SAP30BP: variants seen among roughly 807,000 people sequenced by gnomAD.
The protein encoded by SAP30BP is SAP30-binding protein.
In SAP30BP, 31 loss-of-function variants were observed where a neutral mutation model predicts 46.3. The ratio of observed to expected loss-of-function variants is 0.67; its 90% CI spans 0.50 to 0.90. The LOEUF (loss-of-function observed/expected upper bound fraction) is 0.90, where lower values mean the gene tolerates loss of function less well. Ranked by LOEUF, SAP30BP falls within the 40% of genes least tolerant of loss-of-function variation. The pLI is 0.00. For missense variants in SAP30BP, 312 were observed against 391.0 expected (o/e 0.80, Z 1.70); for synonymous variants, 169 against 144.2 (o/e 1.17, Z -1.23).
At chr17:75,700,766 A>G (rs1482592251) in intron 5 of SAP30BP, among the ~76,000 whole-genome samples, 1 of 152,196 alleles carries the variant, frequency 6.6e-6, no homozygotes, top group African/African-American at 2.4e-5. Flanking sequence ...CCAGACAACC[A>G]GACAACAAGC....
At chr17:75,673,482 G>A (rs560294619) in intron 3 of SAP30BP, among the ~76,000 whole-genome samples, 6 of 152,234 alleles carry the variant, frequency 3.9e-5, no homozygotes, top group Non-Finnish European at 7.4e-5. Flanking sequence ...CCAGGGAGCC[G>A]TTAAGTGTTT....
intron 8 of SAP30BP, 115 bp downstream of exon 8, chr17:75,703,974 T>A (rs1193925693): frequency 1.2e-6 from 1 of 825,598 alleles, no homozygotes; most frequent in Non-Finnish European, 2.1e-6. Flanking sequence ...TGTCAGGCCA[T>A]GTTCAAGGGG....
intron 2 of SAP30BP, among the ~76,000 whole-genome samples, chr17:75,671,164 G>C (rs1474934095): frequency 6.6e-6 from 1 of 152,244 alleles, no homozygotes; most frequent in Non-Finnish European, 1.5e-5. Context: ...TGGCAGTTCT[G>C]TGAGCACTTA....
chr17:75,687,860 C>T (rs1314638847), intron 3 of SAP30BP, among the ~76,000 whole-genome samples: 1 of 151,722 alleles, frequency 6.6e-6, no homozygotes, highest in Non-Finnish European at 1.5e-5. Flanking sequence ...TAAAACATAA[C>T]AGCTGAAGGT....
intron 4 of SAP30BP, among the ~76,000 whole-genome samples, chr17:75,695,139 A>G (rs1199521071): frequency 6.6e-6 from 1 of 152,206 alleles, no homozygotes; most frequent in East Asian, 1.9e-4. Flanking sequence ...AGAATTTCCT[A>G]TAAATCAGGA....
At chr17:75,674,402 C>T (rs951806757) in intron 3 of SAP30BP, among the ~76,000 whole-genome samples, 1 of 152,066 alleles carries the variant, frequency 6.6e-6, no homozygotes, top group Non-Finnish European at 1.5e-5. Flanking sequence ...TCAAGCGATT[C>T]TCCTGTCTCA....
At chr17:75,704,089 G>A (rs955821423) in intron 8 of SAP30BP, among the ~76,000 whole-genome samples, 2 of 152,224 alleles carry the variant, frequency 1.3e-5, no homozygotes, top group Non-Finnish European at 2.9e-5. Context: ...ATCGATGAGT[G>A]TTGGTGATGA....
At chr17:75,669,543 G>A (rs558548788) in intron 2 of SAP30BP, among the ~76,000 whole-genome samples, 12 of 151,818 alleles carry the variant, frequency 7.9e-5, no homozygotes, top group Non-Finnish European at 1.6e-4. Context: ...GCTCCTGGCC[G>A]ATTTTTAAAA....
At chr17:75,691,731 C>T (rs942869706) in intron 3 of SAP30BP, 2 of 288,410 alleles carry the variant, frequency 6.9e-6, no homozygotes, top group African/African-American at 4.4e-5. Context: ...TGGTCAGTCC[C>T]TGTATGATCA....
rs117043020 is a variant in SAP30BP at position 75,685,580 on chromosome 17, G to A, written c.265-7860G>A. 1.1e-3 allele frequency among the ~76,000 whole-genome samples: 168 copies of A among 152,154 alleles called. 1 individual carries two copies. The Middle Eastern group carries it at 0.021, about 19-fold the overall frequency. ...GATGTAACTAACTCCTCAGCTTGTC[G>A]GCCAGCCTCTCAGATGGAATGCTTT... On this transcript the variant is annotated intron_variant, in intron 3 of 10. Transcript: ENST00000584667.
At chr17:75,690,865 C>A in intron 3 of SAP30BP, 1 of 417,730 alleles carries the variant, frequency 2.4e-6, no homozygotes, top group Non-Finnish European at 4.8e-6. Flanking sequence ...TCTGAACCAA[C>A]ACAGACAGCA....
At chr17:75,698,301 T>G (rs906851101) in intron 4 of SAP30BP, among the ~76,000 whole-genome samples, 6 of 152,184 alleles carry the variant, frequency 3.9e-5, no homozygotes, top group African/African-American at 1.4e-4. Context: ...AGAGAGTTGA[T>G]TGGTTTATTT....
intron 4 of SAP30BP, 70 bp from the exon 5 acceptor site, chr17:75,699,713 T>G (rs963435976): frequency 2.0e-6 from 2 of 1,013,034 alleles, no homozygotes; most frequent in South Asian, 2.6e-5. Flanking sequence ...TATGTGCTTA[T>G]GTTTTTTTGT....
At chr17:75,697,113 T>C (rs1807782090) in intron 4 of SAP30BP, among the ~76,000 whole-genome samples, 1 of 151,948 alleles carries the variant, frequency 6.6e-6, no homozygotes, top group Admixed American at 6.6e-5. Context: ...AGCCCCAGAG[T>C]GTGGCTGGGT....
chr17:75,667,674 T>C (rs576128980), intron 1 of SAP30BP, among the ~76,000 whole-genome samples, 196 bp downstream of exon 1: 23 of 152,308 alleles, frequency 1.5e-4, no homozygotes, highest in African/African-American at 5.3e-4. Context: ...GTTATTTCGA[T>C]TAATTTGCCT....
At position 75,699,811 on chromosome 17, in the gene SAP30BP, GTCGCC is replaced by G; in HGVS notation, c.338_342del (p.Ser113Ter). The stretch of plus-strand genomic sequence containing the variant: ...CCTTTTCTGAAAGAGTTCGGAACAT[GTCGCC>G]TGATGAAATCAAGATCCCGCCAGAA... On this transcript the variant is annotated frameshift_variant, in exon 5 of 11. Transcript: ENST00000584667. LOFTEE classifies it high-confidence loss of function. 6.2e-7 allele frequency: 1 copy of G among 1,613,538 alleles called. No individual in the cohort carries two copies. The highest frequency in any genetic ancestry group is 8.5e-7 in the Non-Finnish European group (1 of 1,179,534).
intron 4 of SAP30BP, among the ~76,000 whole-genome samples, chr17:75,694,370 G>A (rs73368042): frequency 0.028 from 4,298 of 152,242 alleles, 204 homozygotes; most frequent in African/African-American, 0.099. Flanking sequence ...AAAGGAGCTA[G>A]GAATCGTTCA....
At position 75,706,090 on chromosome 17, in the gene SAP30BP, C is replaced by T; in HGVS notation, c.743C>T (p.Ala248Val). The T allele has an allele frequency of 6.2e-7, 1 of 1,611,678 alleles. No homozygotes were observed. Among genetic ancestry groups the T allele is most frequent in the Non-Finnish European group, 8.5e-7 (1 of 1,179,076 alleles). Residue 248 changes from alanine (A) to valine (V), a missense_variant and splice_region_variant, in exon 10 of 11, where the codon GCA becomes GTA. Transcript: ENST00000584667. The surrounding 1 kb of genome is among the most constrained non-coding windows in gnomAD (Gnocchi z 4.6). ...ACTACCACTGCCAGCACAGCTGTTG[C>T]AGGTAGATTGCAGAGCTGCCCTGCC... ...TTTTTASTAV[A>V]DAQKRKSKWD...
At chr17:75,676,684 G>A (rs1214958528) in intron 3 of SAP30BP, among the ~76,000 whole-genome samples, 2 of 152,118 alleles carry the variant, frequency 1.3e-5, no homozygotes, top group African/African-American at 2.4e-5. Context: ...ATCCTTTTCC[G>A]TGGCTTCAGT....
Sources: allele counts gnomAD v4.1 joint callset (sites outside exome capture counted in the v4.1 genomes callset), GRCh38; gene constraint gnomAD v4.1.1; non-coding constraint Gnocchi (gnomAD v3.1); transcripts MANE v1.5; gene names NCBI Gene and HGNC (gene_info 2026-07-23, HGNC 2026-07-21).